The following CYP39A1 variants were observed in gnomAD, a reference collection of about 807,000 sequenced individuals.
The protein encoded by CYP39A1 is cytochrome P450 family 39 subfamily A member 1.
CYP39A1 carries 49 observed loss-of-function variants against 58.1 expected under a neutral mutation model. The ratio of observed to expected loss-of-function variants is 0.84; its 90% CI spans 0.67 to 1.07. The LOEUF is 1.07. Among genes scored for constraint, CYP39A1 ranks in the 50% least tolerant of loss-of-function variants. The pLI, the probability that CYP39A1 is intolerant of heterozygous loss-of-function variation, is 0.00. For missense variants in CYP39A1, 531 were observed against 539.4 expected, an observed-to-expected ratio of 0.98 and a Z score of 0.16; for synonymous variants, 209 against 187.6, an observed-to-expected ratio of 1.11 and a Z score of -0.93.
chr6:46,560,097 T>C (rs1315536492), intron 10 of CYP39A1, among the ~76,000 whole-genome samples: 1 of 152,074 alleles, frequency 6.6e-6, no homozygotes, highest in African/African-American at 2.4e-5. Flanking sequence ...TATCAGACCC[T>C]AGAATAAAAT....
intron 10 of CYP39A1, among the ~76,000 whole-genome samples, chr6:46,564,113 TTATTCTATTTTATTCTATTTTATTC>T (rs1771137691): frequency 1.5e-5 from 2 of 134,608 alleles, no homozygotes; most frequent in African/African-American, 3.5e-5. Context: ...TTTTTTTATT[TTATTCTATTTTATTCTATTTTATTC>T]TATTCTATTT....
At chr6:46,585,785 TGAGATTCCA>T (rs964229588) in intron 10 of CYP39A1, among the ~76,000 whole-genome samples, 2 of 152,090 alleles carry the variant, frequency 1.3e-5, no homozygotes, top group Non-Finnish European at 1.5e-5. Context: ...ATAATATTAC[TGAGATTCCA>T]GGGATTCAGG....
At chr6:46,621,765 C>A (rs149356161) in intron 7 of CYP39A1, among the ~76,000 whole-genome samples, 2,042 of 152,140 alleles carry the variant, frequency 0.013, 39 homozygotes, top group African/African-American at 0.047. Flanking sequence ...CTTTCATAAC[C>A]TCTTTCAAAA....
intron 10 of CYP39A1, among the ~76,000 whole-genome samples, chr6:46,566,794 A>G (rs751523888): frequency 6.6e-6 from 1 of 151,936 alleles, no homozygotes; most frequent in Non-Finnish European, 1.5e-5. Flanking sequence ...ATATAAATAA[A>G]TAAGAATTAT....
chr6:46,600,558 G>A (rs1483043849), intron 7 of CYP39A1, among the ~76,000 whole-genome samples: 2 of 152,128 alleles, frequency 1.3e-5, no homozygotes, highest in South Asian at 2.1e-4. Context: ...GGGGAAGGGA[G>A]GTGGGCTGGG....
chr6:46,593,874 C>T (rs1772989235), intron 8 of CYP39A1, among the ~76,000 whole-genome samples: 1 of 152,124 alleles, frequency 6.6e-6, no homozygotes, highest in Non-Finnish European at 1.5e-5. Context: ...CCTACTTTGT[C>T]CATAGAAAAT....
chr6:46,604,311 C>T (rs146842629), intron 7 of CYP39A1, among the ~76,000 whole-genome samples: 1 of 152,286 alleles, frequency 6.6e-6, no homozygotes, highest in Non-Finnish European at 1.5e-5. Context: ...CTTTTCCTGA[C>T]TTTACGATGG....
At chr6:46,642,775 C>A (rs929857446) in intron 1 of CYP39A1, among the ~76,000 whole-genome samples, 5 of 152,120 alleles carry the variant, frequency 3.3e-5, no homozygotes, top group Admixed American at 3.3e-4. Flanking sequence ...TCCTAGTTTT[C>A]AAAATGATTA....
chr6:46,614,819 A>G lies in CYP39A1; in HGVS notation c.931+10599T>C, dbSNP rs144359259. Among the ~76,000 whole-genome samples, 313 of 152,292 alleles carry G rather than the reference A, an allele frequency of 2.1e-3. 2 individuals carry two copies. The highest frequency in any genetic ancestry group is 7.4e-3 in the African/African-American group (307 of 41,554). On this transcript the variant is annotated intron_variant, in intron 7 of 11. Coordinates refer to ENST00000275016, the MANE Select transcript of CYP39A1 (RefSeq NM_016593.5). ...AGGGCTGGACAACCAGGCTTGAAGG[A>G]TGCATAGCCAGGAATCTTGCTCCAA...
At chr6:46,600,124 T>A (rs1176696256) in intron 7 of CYP39A1, among the ~76,000 whole-genome samples, 2 of 151,874 alleles carry the variant, frequency 1.3e-5, no homozygotes, top group African/African-American at 4.8e-5. Flanking sequence ...TTCTTTTCTT[T>A]TCTTTTTTCT....
chr6:46,620,094 G>A (rs1305743307), intron 7 of CYP39A1, among the ~76,000 whole-genome samples: 1 of 152,072 alleles, frequency 6.6e-6, no homozygotes, highest in African/African-American at 2.4e-5. Context: ...ATTCAAGAAT[G>A]TCTATTCAAG....
chr6:46,635,821 C>T (rs944755268), intron 5 of CYP39A1, among the ~76,000 whole-genome samples: 1 of 152,132 alleles, frequency 6.6e-6, no homozygotes, highest in African/African-American at 2.4e-5. Context: ...CGTCGGCCCC[C>T]CAAAGTGCTG....
intron 10 of CYP39A1, among the ~76,000 whole-genome samples, chr6:46,563,494 A>T (rs1771091516): frequency 6.6e-6 from 1 of 152,218 alleles, no homozygotes; most frequent in Non-Finnish European, 1.5e-5. Context: ...TTTGTATTTA[A>T]ATACTTCATT....
chr6:46,587,042 T>A (rs768413275), intron 10 of CYP39A1, 35 bp downstream of exon 10: 5 of 1,504,482 alleles, frequency 3.3e-6, no homozygotes, highest in Admixed American at 1.7e-5. Context: ...TTCTGCAGAC[T>A]TTCTGGATAA....
intron 6 of CYP39A1, among the ~76,000 whole-genome samples, chr6:46,627,666 C>T (rs995234128): frequency 6.6e-6 from 1 of 152,078 alleles, no homozygotes; most frequent in Non-Finnish European, 1.5e-5. Context: ...GATCCGCCCG[C>T]CTCAGCCTCC....
At chr6:46,606,470 A>C (rs1773851141) in intron 7 of CYP39A1, among the ~76,000 whole-genome samples, 1 of 152,180 alleles carries the variant, frequency 6.6e-6, no homozygotes, top group Non-Finnish European at 1.5e-5. Flanking sequence ...CACATCTGTG[A>C]TTTGTTCTTC....
rs62401167 is a variant in CYP39A1 at position 46,587,852 on chromosome 6, T to C, written c.1161+182A>G. ...TACTACAAAAACTTTTCTAACTGAT[T>C]TGTAAATGTTGCACTATCTATATTG... On this transcript the variant is annotated intron_variant, in intron 9 of 11. Transcript: ENST00000275016. 6.3e-3 allele frequency among the ~76,000 whole-genome samples: 953 copies of C among 152,318 alleles called. 10 individuals are homozygous for C. The highest frequency in any genetic ancestry group is 0.011 in the Non-Finnish European group (736 of 68,016).
chr6:46,648,587 T>G (rs1291627959), intron 1 of CYP39A1, among the ~76,000 whole-genome samples: 2 of 151,420 alleles, frequency 1.3e-5, no homozygotes, highest in Non-Finnish European at 2.9e-5. Context: ...GTTACTGGGT[T>G]CAGCACACCA....
At chr6:46,555,824 T>A (rs933783311) in intron 10 of CYP39A1, among the ~76,000 whole-genome samples, 30 of 152,210 alleles carry the variant, frequency 2.0e-4, no homozygotes, top group African/African-American at 6.8e-4. Context: ...TCAAATGAAA[T>A]CTGGAGCACT....
Sources: allele counts gnomAD v4.1 joint callset (sites outside exome capture counted in the v4.1 genomes callset), GRCh38; gene constraint gnomAD v4.1.1; transcripts MANE v1.5; gene names NCBI Gene and HGNC (gene_info 2026-07-23, HGNC 2026-07-21).